The following QTMAN variants were observed in gnomAD, a reference collection of about 807,000 sequenced individuals.
QTMAN encodes tRNA-queuosine alpha-mannosyltransferase.
chr2:144,077,051 A>T, the QTMAN span, among the ~76,000 whole-genome samples: 1 of 71,624 alleles, frequency 1.4e-5, no homozygotes, highest in East Asian at 4.0e-4. Flanking sequence ...TCAAAAAGCC[A>T]AAAAAAAAAA....
chr2:144,011,805 G>T, the QTMAN span: 5 of 907,424 alleles, frequency 5.5e-6, no homozygotes, highest in Admixed American at 6.2e-5. Context: ...TTCCAACTCT[G>T]GTGGAGGTGC....
chr2:144,137,990 G>T, the QTMAN span, among the ~76,000 whole-genome samples: 2 of 152,082 alleles, frequency 1.3e-5, no homozygotes, highest in African/African-American at 4.8e-5. Context: ...TTATCTCAGT[G>T]TTGACCTCCT....
At chr2:144,247,370 A>C in the QTMAN span, among the ~76,000 whole-genome samples, 2 of 152,276 alleles carry the variant, frequency 1.3e-5, no homozygotes, top group African/African-American at 4.8e-5. Context: ...ATGAAATACG[A>C]AAAGTCAGAA....
the QTMAN span, chr2:144,142,045 C>T: frequency 3.7e-6 from 6 of 1,609,264 alleles, no homozygotes; most frequent in Non-Finnish European, 5.1e-6. Flanking sequence ...ACAACCACAT[C>T]AGCCACCAGG....
At chr2:144,317,056 G>A in the QTMAN span, among the ~76,000 whole-genome samples, 1 of 152,112 alleles carries the variant, frequency 6.6e-6, no homozygotes, top group Non-Finnish European at 1.5e-5. Flanking sequence ...ATGATAACAA[G>A]CCACTGTATT....
At chr2:144,148,642 C>G in the QTMAN span, among the ~76,000 whole-genome samples, 2 of 151,618 alleles carry the variant, frequency 1.3e-5, no homozygotes, top group African/African-American at 4.8e-5. Context: ...AATGTTTAAC[C>G]GAAAGGAGCC....
chr2:144,009,539 T>C, the QTMAN span, among the ~76,000 whole-genome samples: 1 of 152,080 alleles, frequency 6.6e-6, no homozygotes, highest in East Asian at 1.9e-4. Context: ...TCTTTAAATT[T>C]CTATTCTAAT....
chr2:144,133,155 T>A, the QTMAN span, among the ~76,000 whole-genome samples: 23 of 42,394 alleles, frequency 5.4e-4, no homozygotes, highest in African/African-American at 2.7e-3. Flanking sequence ...ATATATAATA[T>A]AATATAATAT....
the QTMAN span, among the ~76,000 whole-genome samples, chr2:144,170,714 C>T: frequency 5.9e-5 from 9 of 152,110 alleles, no homozygotes; most frequent in South Asian, 6.2e-4. Flanking sequence ...TCTCTGCTTG[C>T]GAGACATACA....
the QTMAN span, among the ~76,000 whole-genome samples, chr2:144,263,345 G>GA: frequency 6.6e-6 from 1 of 152,058 alleles, no homozygotes; most frequent in African/African-American, 2.4e-5. Context: ...TACACCTATG[G>GA]AAAACATCGT....
the QTMAN span, among the ~76,000 whole-genome samples, chr2:144,278,357 A>C: frequency 7.2e-5 from 11 of 152,142 alleles, no homozygotes; most frequent in African/African-American, 2.7e-4. Context: ...CTAAGTGCAA[A>C]GAGTGGAAGA....
the QTMAN span, among the ~76,000 whole-genome samples, chr2:144,125,106 G>T: frequency 6.6e-6 from 1 of 152,004 alleles, no homozygotes; most frequent in Non-Finnish European, 1.5e-5. Flanking sequence ...ATCTATCATA[G>T]AATTCGTTTT....
the QTMAN span, among the ~76,000 whole-genome samples, chr2:144,170,663 TC>T: frequency 1.3e-5 from 2 of 152,016 alleles, no homozygotes; most frequent in African/African-American, 4.8e-5. Context: ...TACCCAAACC[TC>T]CTTGAGCAAG....
the QTMAN span, among the ~76,000 whole-genome samples, chr2:144,304,381 C>T: frequency 1.3e-5 from 2 of 152,130 alleles, no homozygotes; most frequent in African/African-American, 2.4e-5. Flanking sequence ...AACTGAAACT[C>T]TTTTTTAAAA....
chr2:144,042,393 C>G, the QTMAN span, among the ~76,000 whole-genome samples: 2 of 151,904 alleles, frequency 1.3e-5, no homozygotes, highest in African/African-American at 4.8e-5. Flanking sequence ...CAAAATAAAA[C>G]AGAAAACAAA....
the QTMAN span, among the ~76,000 whole-genome samples, chr2:144,307,186 AT>A: frequency 1.0e-4 from 14 of 135,658 alleles, no homozygotes; most frequent in South Asian, 2.3e-4. Context: ...AAAAAAAACA[AT>A]TAAAAAAAAA....
At chr2:144,269,162 A>G in the QTMAN span, among the ~76,000 whole-genome samples, 2 of 152,230 alleles carry the variant, frequency 1.3e-5, no homozygotes, top group Non-Finnish European at 2.9e-5. Context: ...GATTCCATTC[A>G]TAATATACGC....
the QTMAN span, among the ~76,000 whole-genome samples, chr2:144,205,115 C>G: frequency 6.6e-6 from 1 of 151,974 alleles, no homozygotes; most frequent in African/African-American, 2.4e-5. Context: ...GCACATTGTG[C>G]ACATGTACCC....
At chr2:144,196,574 CA>C in the QTMAN span, among the ~76,000 whole-genome samples, 1 of 152,124 alleles carries the variant, frequency 6.6e-6, no homozygotes, top group Admixed American at 6.6e-5. Context: ...AATGCTGACT[CA>C]AGTGAACATT....
Sources: allele counts gnomAD v4.1 joint callset (sites outside exome capture counted in the v4.1 genomes callset), GRCh38; gene constraint gnomAD v4.1.1; transcripts MANE v1.5; gene names NCBI Gene and HGNC (gene_info 2026-07-23, HGNC 2026-07-21).